The following WDR87 variants were observed in gnomAD, a reference collection of about 807,000 sequenced individuals.
WDR87 encodes WD repeat-containing protein 87.
WDR87 carries 56 observed loss-of-function variants against 83.3 expected under a neutral mutation model. The observed-to-expected ratio is 0.67, with a 90% CI of 0.54 to 0.84. The LOEUF (loss-of-function observed/expected upper bound fraction) is 0.84. WDR87 is among the 40% of genes least tolerant of loss of function. WDR87 has a pLI of 0.00. For synonymous variants in WDR87, 1,173 were observed against 1,250.6 expected (o/e 0.94, Z 1.31); for missense variants, 2,939 against 3,431.9 (o/e 0.86, Z 3.59).
chr19:37,896,588 G>T lies in WDR87; in HGVS notation c.76-280C>A, dbSNP rs148060964. Among the ~76,000 whole-genome samples, 995 of 152,286 alleles carry T rather than the reference G, an allele frequency of 6.5e-3. 7 individuals carry two copies. The highest frequency in any genetic ancestry group is 0.01 in the Non-Finnish European group (685 of 68,020). ...GGAAAAATGATGTTCTTTTCAACAT[G>T]AAGTTAGCCATGCCTGCCCTCTAAC... On this transcript the variant is annotated intron_variant, in intron 2 of 5. Transcript: ENST00000447313.
chr19:37,895,019 C>G lies in WDR87; in HGVS notation c.684G>C (p.Gln228His). ...VRVLMHQGKGQLGEVKRFTST... is the reference protein window; with the variant it reads ...VRVLMHQGKGHLGEVKRFTST... Reference sequence around the variant, plus strand: ...ACGTGAACCTCTTTACCTCTCCCAGCTGGCCCTTGCCCTGGTGCATAAGGA... The same window carrying G: ...ACGTGAACCTCTTTACCTCTCCCAGGTGGCCCTTGCCCTGGTGCATAAGGA... The change falls in exon 4 of 6, where the codon CAG (glutamine) becomes CAC (histidine). Residue 228 changes from glutamine (Q) to histidine (H), a missense_variant. Coordinates refer to ENST00000447313, the MANE Select transcript of WDR87 (RefSeq NM_001291088.2). The G allele has an allele frequency of 6.4e-7, 1 of 1,551,752 alleles. No homozygotes were observed. The highest frequency in any genetic ancestry group is 2.0e-5 in the Admixed American group (1 of 51,006).
Position 37,893,832 on chromosome 19 carries a change from C to G in WDR87, c.1871G>C (p.Gly624Ala), listed in dbSNP as rs1161574852. ...VCLSLSLFVT[G>A]SADGSVRIWD... ...GATCCGAACAGAGCCATCGGCAGAACCTGTGACAAAAAGACTCAAGGAGAG... is the reference window on the plus strand; with the variant it reads ...GATCCGAACAGAGCCATCGGCAGAAGCTGTGACAAAAAGACTCAAGGAGAG... Residue 624 changes from glycine to alanine, a missense_variant, in exon 4 of 6, where the codon GGT (glycine) becomes GCT (alanine). Physicochemically the swap from Gly to Ala is moderately conservative, Grantham distance 60. Transcript: ENST00000447313. 2 of 1,551,726 alleles carry G rather than the reference C, an allele frequency of 1.3e-6. No homozygotes were observed. Among genetic ancestry groups the G allele is most frequent in the Non-Finnish European group, 1.7e-6 (2 of 1,147,000 alleles).
chr19:37,889,422 G>A lies in WDR87; in HGVS notation c.4249C>T (p.Pro1417Ser). 1 of 1,551,588 alleles carries A rather than the reference G, an allele frequency of 6.4e-7. No homozygotes were observed. Among genetic ancestry groups the A allele is most frequent in the Non-Finnish European group, 8.7e-7 (1 of 1,147,006 alleles). ...KKGKKVIFLE[P>S]GNVTMGKEIS... ...TCTTTTCCCATGGTTACATTACCTG[G>A]TTCTAAAAAAATAACTTTCTTGCCC... The change falls in exon 6 of 6, where the codon CCA becomes TCA. Residue 1417 changes from proline to serine, a missense_variant. Pro to Ser is a moderately conservative substitution (Grantham distance 74, BLOSUM62 -1). Around this residue, in one of 3 missense-constraint regions of WDR87, gnomAD observed 2,160 missense variants for 2,533.1 expected, o/e 0.85. Coordinates refer to ENST00000447313, the MANE Select transcript of WDR87 (RefSeq NM_001291088.2).
At position 37,893,346 on chromosome 19, in the gene WDR87, T is replaced by TA; in HGVS notation, c.2356dup (p.Tyr786LeufsTer11). The TA allele has an allele frequency of 6.4e-7, 1 of 1,551,850 alleles. No homozygotes were observed. The highest frequency in any genetic ancestry group is 8.7e-7 in the Non-Finnish European group (1 of 1,146,998). ...CAGTTGTAGCTGGGGAGGAAGCACA[T>TA]AATGGCATTGGTAACGTTTGCTCAC... On this transcript the variant is annotated frameshift_variant, in exon 4 of 6. Transcript: ENST00000447313. LOFTEE classifies it high-confidence loss of function.
chr19:37,896,429 T>C, intron 2 of WDR87, 121 bp from the exon 3 acceptor site: 1 of 1,010,218 alleles, frequency 9.9e-7, no homozygotes, highest in African/African-American at 2.5e-5. Flanking sequence ...GACCTACTCC[T>C]GTTACACTCA....
Position 37,889,881 on chromosome 19 carries a change from C to T in WDR87, c.3790G>A (p.Gly1264Arg), listed in dbSNP as rs567141399. ...VTKKVKIQGR[G>R]ASGISGRRST... The stretch of plus-strand genomic sequence containing the variant: ...CTGCGGCCAGATATTCCAGAGGCTC[C>T]CCGCCCTTGGATTTTAACCTTTTTA... The change falls in exon 6 of 6, where the codon GGA becomes AGA. Residue 1264 changes from glycine (G) to arginine (R), a missense_variant. Around this residue, in one of 3 missense-constraint regions of WDR87, gnomAD observed 2,160 missense variants for 2,533.1 expected, o/e 0.85. Coordinates refer to ENST00000447313, the MANE Select transcript of WDR87 (RefSeq NM_001291088.2). 6 of 1,551,656 alleles carry T rather than the reference C, an allele frequency of 3.9e-6. No homozygotes were observed. In the African/African-American group the frequency reaches 8.2e-5, roughly 21 times the overall value.
intron 1 of WDR87, among the ~76,000 whole-genome samples, chr19:37,899,217 G>C (rs1035170624): frequency 1.3e-5 from 2 of 151,938 alleles, no homozygotes; most frequent in Admixed American, 1.3e-4. Flanking sequence ...TCAAGAGTTC[G>C]AGACTAGCCT....
Position 37,898,276 on chromosome 19 carries a change from G to C in WDR87, c.-37C>G. ...TCCCTTGGCCCTCCTGAGGACTGTT[G>C]CTTAAAAACCTGTGGGAATCCAAAA... is the stretch of plus-strand genomic sequence containing the variant. On this transcript the variant is annotated 5_prime_UTR_variant, in exon 2 of 6. Coordinates refer to ENST00000447313, the MANE Select transcript of WDR87 (RefSeq NM_001291088.2). The C allele has an allele frequency of 1.3e-6, 2 of 1,545,556 alleles. No individual in the cohort carries two copies. Among genetic ancestry groups the C allele is most frequent in the Non-Finnish European group, 1.7e-6 (2 of 1,144,922 alleles).
At position 37,887,433 on chromosome 19, in the gene WDR87, C is replaced by T. The variant is rs2046159104; in HGVS notation, c.6238G>A (p.Gly2080Arg). The T allele has an allele frequency of 6.4e-7, 1 of 1,551,506 alleles. No individual in the cohort carries two copies. Among genetic ancestry groups the T allele is most frequent in the African/African-American group, 1.4e-5 (1 of 73,000 alleles). Residue 2080 changes from glycine to arginine, a missense_variant, in exon 6 of 6, where the codon GGA (glycine) becomes AGA (arginine). Gly to Arg is a moderately radical substitution (Grantham distance 125). Coordinates refer to ENST00000447313, the MANE Select transcript of WDR87 (RefSeq NM_001291088.2). The part of the protein sequence containing the change: ...IAKGKLEFTR[G>R]QRIFVQGQRK... ...TGCCCCTGGACAAATATTCTCTGTC[C>T]TCTAGTAAATTCCAGTTTTCCTTTG... is the stretch of plus-strand genomic sequence containing the variant.
Position 37,885,395 on chromosome 19 carries a change from T to C in WDR87, c.8276A>G (p.Lys2759Arg). The C allele has an allele frequency of 6.4e-7, 1 of 1,551,276 alleles. No homozygotes were observed. Among genetic ancestry groups the C allele is most frequent in the South Asian group, 1.2e-5 (1 of 84,020 alleles). The change falls in exon 6 of 6, where the codon AAG becomes AGG. Residue 2759 changes from lysine to arginine, a missense_variant. By Grantham distance (26) the Lys-to-Arg change is conservative (BLOSUM62 2). This residue lies in a region of WDR87 where 2,160 missense variants were observed against 2,533.1 expected (regional missense o/e 0.85). Transcript: ENST00000447313. ...TGTCTCCCACAAAGGCAACTCTTCC[T>C]TTTTTTTAGAAATGGGCTGTGTCTT... Reference protein sequence around the residue: ...EKKTQPISKKKEELPLWETFV... With the variant: ...EKKTQPISKKREELPLWETFV...
At chr19:37,899,416 C>CAAAAAAAAAAAAAA (rs11378161) in intron 1 of WDR87, among the ~76,000 whole-genome samples, 1 of 79,260 alleles carries the variant, frequency 1.3e-5, no homozygotes, top group East Asian at 3.8e-4. Context: ...GACTCAGTCT[C>CAAAAAAAAAAAAAA]AAAAAAAAAA....
chr19:37,891,000 G>A (rs2046200158), intron 5 of WDR87, among the ~76,000 whole-genome samples: 1 of 152,016 alleles, frequency 6.6e-6, no homozygotes, highest in African/African-American at 2.4e-5. Flanking sequence ...GTGCAGGTTT[G>A]TTACATAGGT....
rs1236295294 is a variant in WDR87 at position 37,894,626 on chromosome 19, A to G, written c.1077T>C (p.Asn359=). 6.4e-7 allele frequency: 1 copy of G among 1,551,772 alleles called. No individual in the cohort carries two copies. Among genetic ancestry groups the G allele is most frequent in the African/African-American group, 1.4e-5 (1 of 73,190 alleles). ...HRLPCFYSLF[N]VCGSAPQQLR... ...ACTGCTGGGGAGCAGAGCCACAGAC[A>G]TTGAAGAGGCTGTAGAAGCAGGGCA... The change falls in exon 4 of 6, where the codon AAT becomes AAC. Residue 359 remains asparagine, a synonymous_variant. Coordinates refer to ENST00000447313, the MANE Select transcript of WDR87 (RefSeq NM_001291088.2).
In WDR87 at chr19:37,893,786, G is replaced by T; in HGVS notation, c.1917C>A (p.Leu639=). 1 of 1,551,650 alleles carries T rather than the reference G, an allele frequency of 6.4e-7. No homozygotes were observed. The highest frequency in any genetic ancestry group is 8.7e-7 in the Non-Finnish European group (1 of 1,147,014). ...SVRIWDFHGR[L]IGILDSSLHF... ...GCAGTGATGAGTCCAGAATGCCTAT[G>T]AGTCTGCCATGGAAGTCCCAGATCC... The change falls in exon 4 of 6, where the codon CTC becomes CTA. Residue 639 remains leucine, a synonymous_variant. Transcript: ENST00000447313.
rs2046220945 is a variant in WDR87, at chr19:37,893,099, TA to T, written c.2603del (p.Val868GlufsTer4). Reference sequence around the variant, plus strand: ...GATATTCTGTATTACTTATAGCTCTTACCCTGCTGTGCCAGAAAAAGAATTC... The same window carrying T: ...GATATTCTGTATTACTTATAGCTCTTCCCTGCTGTGCCAGAAAAAGAATTC... ...SQEFFFWHSR[V>X]RAISNTEYPK... On this transcript the variant is annotated frameshift_variant, in exon 4 of 6. Transcript: ENST00000447313. LOFTEE classifies it high-confidence loss of function. 1 of 1,551,678 alleles carries T rather than the reference TA, an allele frequency of 6.4e-7. No individual in the cohort carries two copies. The highest frequency in any genetic ancestry group is 1.4e-5 in the African/African-American group (1 of 73,058).
Position 37,893,115 on chromosome 19 carries a change from A to G in WDR87, c.2588T>C (p.Phe863Ser), listed in dbSNP as rs1443831391. The change falls in exon 4 of 6, where the codon TTC (phenylalanine) becomes TCC (serine). Residue 863 changes from phenylalanine (F) to serine (S), a missense_variant. Transcript: ENST00000447313. The part of the protein sequence containing the change: ...LEWDRSQEFF[F>S]WHSRVRAISN... The stretch of plus-strand genomic sequence containing the variant: ...TATAGCTCTTACCCTGCTGTGCCAG[A>G]AAAAGAATTCTTGAGACCTGTCCCA... 1 of 1,551,794 alleles carries G rather than the reference A, an allele frequency of 6.4e-7. No homozygotes were observed. Among genetic ancestry groups the G allele is most frequent in the African/African-American group, 1.4e-5 (1 of 73,162 alleles).
Position 37,895,069 on chromosome 19 carries a change from C to A in WDR87, c.634G>T (p.Ala212Ser). The change falls in exon 4 of 6, where the codon GCC (alanine) becomes TCC (serine). Residue 212 changes from alanine (A) to serine (S), a missense_variant. Physicochemically the swap from Ala to Ser is moderately conservative, Grantham distance 99. This residue lies in a region of WDR87 where 226 missense variants were observed against 320.9 expected (regional missense o/e 0.70). Coordinates refer to ENST00000447313, the MANE Select transcript of WDR87 (RefSeq NM_001291088.2). ...VLNGPSGSLL[A>S]LCETVVRVLM... ...ACCCTCACCACCGTCTCACACAGGG[C>A]CAGGAGGGAGCCACTGGGACCATTC... 1 of 1,551,744 alleles carries A rather than the reference C, an allele frequency of 6.4e-7. No individual in the cohort carries two copies. The highest frequency in any genetic ancestry group is 8.7e-7 in the Non-Finnish European group (1 of 1,147,002).
At chr19:37,899,234 T>C (rs1599772103) in intron 1 of WDR87, among the ~76,000 whole-genome samples, 1 of 151,636 alleles carries the variant, frequency 6.6e-6, no homozygotes, top group African/African-American at 2.4e-5. Flanking sequence ...GCCTGGCTAA[T>C]ATGGTGAAAC....
At chr19:37,891,878 G>A in intron 4 of WDR87, 58 bp from the exon 5 acceptor site, 1 of 1,515,360 alleles carries the variant, frequency 6.6e-7, no homozygotes, top group Non-Finnish European at 8.8e-7. Flanking sequence ...AGGGAGAATG[G>A]GAAGCAAAAA....
Sources: gnomAD v4.1 joint callset for allele counts (sites outside exome capture counted in the v4.1 genomes callset) on GRCh38, gnomAD v4.1.1 for gene constraint, gnomAD v4.1.1 regional missense constraint, MANE v1.5 for transcripts, NCBI Gene and HGNC (gene_info 2026-07-23, HGNC 2026-07-21) for gene names.